SLC25A23: variants seen among roughly 807,000 people sequenced by gnomAD.
SLC25A23 encodes the protein mitochondrial adenyl nucleotide antiporter SLC25A23.
SLC25A23 carries 32 observed loss-of-function variants against 53.9 expected under a neutral mutation model. The observed-to-expected ratio is 0.59, with a 90% confidence interval of 0.45 to 0.80. The LOEUF (loss-of-function observed/expected upper bound fraction) is 0.80, where lower values mean the gene tolerates loss of function less well. Among genes scored for constraint, SLC25A23 ranks in the 30% least tolerant of loss-of-function variants. The pLI, the probability that SLC25A23 is intolerant of heterozygous loss-of-function variation, is 0.00. For missense variants in SLC25A23, 575 were observed against 651.4 expected, an observed-to-expected ratio of 0.88 and a Z score of 1.28; for synonymous variants, 275 against 264.5, an observed-to-expected ratio of 1.04 and a Z score of -0.38.
intron 8 of SLC25A23, among the ~76,000 whole-genome samples, chr19:6,445,890 AAAAC>A (rs539857833): frequency 1.9e-4 from 28 of 149,886 alleles, no homozygotes; most frequent in African/African-American, 2.3e-4. Context: ...TGTCTCTACA[AAAAC>A]AAACAAACAC....
chr19:6,459,341 C>T lies in SLC25A23; in HGVS notation c.156+132G>A, dbSNP rs2289783. On this transcript the variant is annotated intron_variant, in intron 1 of 9. Coordinates refer to ENST00000301454, the MANE Select transcript of SLC25A23 (RefSeq NM_024103.3). This position sits in a 1 kb window ranked among gnomAD's most constrained non-coding sequence, Gnocchi z 4.6. Reference sequence around the variant, plus strand: ...GCCAAACACGAGTGGGTAGGGGGAACGAGACAGAGACACAGGTTCTGGAGT... The same window carrying T: ...GCCAAACACGAGTGGGTAGGGGGAATGAGACAGAGACACAGGTTCTGGAGT... 5.5e-6 allele frequency: 4 copies of T among 733,720 alleles called. No homozygotes were observed. The highest frequency in any genetic ancestry group is 3.8e-5 in the Admixed American group (1 of 26,368). The allele number at this position is 733,720 out of a possible 1,614,324, so 45.5% of individuals were successfully genotyped here. A position where few individuals can be genotyped will look rare whatever the true frequency, so the allele number is the denominator to read the frequency against.
chr19:6,442,029 G>GA lies in SLC25A23; in HGVS notation c.1352dup (p.Ser452LeufsTer60). On this transcript the variant is annotated frameshift_variant, in exon 10 of 10. Transcript: ENST00000301454. LOFTEE classifies it high-confidence loss of function. ...TCATGTTCTCGTAGACCACATAGGAGATGCTCACAGCTGGAATAACCTTCA... is the reference window on the plus strand; with the variant it reads ...TCATGTTCTCGTAGACCACATAGGAGAATGCTCACAGCTGGAATAACCTTCA... 1 of 1,613,938 alleles carries GA rather than the reference G, an allele frequency of 6.2e-7. No homozygotes were observed. Among genetic ancestry groups the GA allele is most frequent in the Non-Finnish European group, 8.5e-7 (1 of 1,179,904 alleles).
chr19:6,457,967 G>C (rs948222697), intron 2 of SLC25A23, among the ~76,000 whole-genome samples: 6 of 152,144 alleles, frequency 3.9e-5, no homozygotes, highest in African/African-American at 1.4e-4. Context: ...AAAAATCTAA[G>C]GGTAATTATC....
chr19:6,445,911 A>C (rs2092496945), intron 8 of SLC25A23, among the ~76,000 whole-genome samples: 2 of 138,780 alleles, frequency 1.4e-5, no homozygotes, highest in South Asian at 4.3e-4. Flanking sequence ...ACACACAAAC[A>C]AACAAACAAA....
chr19:6,452,326 G>A lies in SLC25A23; in HGVS notation c.1057C>T (p.Leu353=), dbSNP rs1000790478. ...TGCCCACAGACCTCGTAGACGGCCAGGTCGATGCCCGCATAGGGGATGATG... is the reference window on the plus strand; with the variant it reads ...TGCCCACAGACCTCGTAGACGGCCAAGTCGATGCCCGCATAGGGGATGATG... The part of the protein sequence containing the change: ...LGIIPYAGID[L]AVYETLKNWW... The change falls in exon 8 of 10, where the codon CTG becomes TTG. Residue 353 remains leucine, a synonymous_variant. Transcript: ENST00000301454. 2 of 1,612,552 alleles carry A rather than the reference G, an allele frequency of 1.2e-6. No homozygotes were observed. The highest frequency in any genetic ancestry group is 2.7e-5 in the African/African-American group (2 of 74,852).
At chr19:6,452,626 T>A in intron 7 of SLC25A23, 147 bp from the exon 8 acceptor site, 1 of 932,658 alleles carries the variant, frequency 1.1e-6, no homozygotes. Context: ...AATCTTCTGC[T>A]ATCCCCAAAT....
At chr19:6,457,987 C>T (rs1396053234) in intron 2 of SLC25A23, among the ~76,000 whole-genome samples, 3 of 152,118 alleles carry the variant, frequency 2.0e-5, no homozygotes, top group African/African-American at 7.2e-5. Context: ...CGGGGTTCTG[C>T]CCCAGTAGGG....
chr19:6,447,778 C>T (rs1350301575), intron 8 of SLC25A23, among the ~76,000 whole-genome samples: 1 of 152,212 alleles, frequency 6.6e-6, no homozygotes, highest in Non-Finnish European at 1.5e-5. Context: ...TCAAGAAATT[C>T]TCCTGTCTTA....
At chr19:6,439,516 T>C (rs145724109), downstream of SLC25A23, among the ~76,000 whole-genome samples, 14 of 151,478 alleles carry the variant, frequency 9.2e-5, no homozygotes, top group African/African-American at 3.2e-4. Flanking sequence ...TGAAAAAAAA[T>C]TGAAATTTGT....
chr19:6,454,820 G>C lies in SLC25A23; in HGVS notation c.484-103C>G, dbSNP rs907371377. On this transcript the variant is annotated intron_variant, in intron 4 of 9. Transcript: ENST00000301454. This position sits in a 1 kb window ranked among gnomAD's most constrained non-coding sequence, Gnocchi z 4.3. The stretch of plus-strand genomic sequence containing the variant: ...CCTCTATGAATCCTAGGATACCCTA[G>C]AGTCTGCCAATGACTCTTGCTTGGA... 43 of 1,391,944 alleles carry C rather than the reference G, an allele frequency of 3.1e-5. No individual in the cohort carries two copies. Among genetic ancestry groups the C allele is most frequent in the Non-Finnish European group, 3.8e-5 (39 of 1,020,184 alleles). The allele number at this position is 1,391,944 out of a possible 1,614,324, so 86.2% of individuals were successfully genotyped here. A position where few individuals can be genotyped will look rare whatever the true frequency, so the allele number is the denominator to read the frequency against.
At chr19:6,451,340 G>A (rs916862879) in intron 8 of SLC25A23, among the ~76,000 whole-genome samples, 1 of 152,144 alleles carries the variant, frequency 6.6e-6, no homozygotes, top group Admixed American at 6.5e-5. Flanking sequence ...AGTGAGCCGA[G>A]ATCGCGCCAT....
chr19:6,446,332 C>T (rs908636011), intron 8 of SLC25A23, among the ~76,000 whole-genome samples: 3 of 152,184 alleles, frequency 2.0e-5, no homozygotes, highest in Admixed American at 6.5e-5. Flanking sequence ...CACTGCACTC[C>T]AGCCTGGGCA....
At position 6,442,068 on chromosome 19, in the gene SLC25A23, G is replaced by T. The variant is rs745876819; in HGVS notation, c.1314C>A (p.Ile438=). 6.2e-7 allele frequency: 1 copy of T among 1,612,882 alleles called. No homozygotes were observed. The highest frequency in any genetic ancestry group is 1.1e-5 in the South Asian group (1 of 90,962). Residue 438 remains isoleucine (I), a synonymous_variant, in exon 10 of 10, where the codon ATC becomes ATA. Transcript: ENST00000301454. ...GAATAACCTTCATGAAGTTGGGGGC[G>T]ATCCCCCGGTAGAGGCCCCGCATGC... ...QEGMRGLYRG[I]APNFMKVIPA...
chr19:6,450,104 G>A (rs527621192), intron 8 of SLC25A23, among the ~76,000 whole-genome samples: 1 of 150,568 alleles, frequency 6.6e-6, no homozygotes, highest in Non-Finnish European at 1.5e-5. Flanking sequence ...GTGATCCACC[G>A]GCCTCGGCTT....
At chr19:6,456,008 T>C (rs10424879) in intron 4 of SLC25A23, 169,658 of 1,291,684 alleles carry the variant, frequency 0.13, 12,624 homozygotes, top group African/African-American at 0.26. Context: ...TGTGAGCCAC[T>C]GCGCCTGGCC....
At chr19:6,456,553 G>A (rs765733338) in intron 3 of SLC25A23, 22 bp from the exon 4 acceptor site, 2 of 1,594,188 alleles carry the variant, frequency 1.3e-6, no homozygotes, top group African/African-American at 1.3e-5. Flanking sequence ...AAAGGGGGTG[G>A]AGGAGGACAG....
intron 8 of SLC25A23, among the ~76,000 whole-genome samples, chr19:6,446,701 T>C (rs2092510013): frequency 6.6e-6 from 1 of 152,164 alleles, no homozygotes; most frequent in African/African-American, 2.4e-5. Flanking sequence ...CTCCATTTGC[T>C]AGGAATAGTA....
downstream of SLC25A23, among the ~76,000 whole-genome samples, chr19:6,439,399 T>TCTCTCACACA (rs1196510603): frequency 1.9e-4 from 24 of 124,112 alleles, no homozygotes; most frequent in African/African-American, 7.4e-4. Context: ...TCTCTCTCTC[T>TCTCTCACACA]CACACACACA....
rs564215734 is a variant in SLC25A23 at position 6,445,679 on chromosome 19, T to C, written c.1072-1378A>G. Among the ~76,000 whole-genome samples, 4 of 152,248 alleles carry C rather than the reference T, an allele frequency of 2.6e-5. No homozygotes were observed. The East Asian group carries it at 7.7e-4, about 29-fold the overall frequency. On this transcript the variant is annotated intron_variant, in intron 8 of 9. Transcript: ENST00000301454. Reference sequence around the variant, plus strand: ...TCTGACCTCCAGAACTGTAAGGATATACATTCGTGTTGTTCTAAGACACTA... The same window carrying C: ...TCTGACCTCCAGAACTGTAAGGATACACATTCGTGTTGTTCTAAGACACTA...
Sources: gnomAD v4.1 joint callset for allele counts (sites outside exome capture counted in the v4.1 genomes callset) on GRCh38, gnomAD v4.1.1 for gene constraint, Gnocchi (gnomAD v3.1) non-coding constraint, MANE v1.5 for transcripts, NCBI Gene and HGNC (gene_info 2026-07-23, HGNC 2026-07-21) for gene names.